The following PDE6A variants were observed in gnomAD, a reference collection of about 807,000 sequenced individuals.
PDE6A encodes phosphodiesterase 6A, also known as rod cGMP-specific 3',5'-cyclic phosphodiesterase subunit alpha.
A neutral mutation model predicts 106.3 loss-of-function variants in PDE6A; 84 were observed. The observed-to-expected ratio is 0.79, with a 90% CI of 0.66 to 0.95. The LOEUF (loss-of-function observed/expected upper bound fraction) is 0.95. Among genes scored for constraint, PDE6A ranks in the 40% least tolerant of loss-of-function variants. The pLI is 0.00. For missense variants in PDE6A, 1,052 were observed against 1,084.9 expected (o/e 0.97, Z 0.43); for synonymous variants, 394 against 386.6 (o/e 1.02, Z -0.23).
chr5:149,872,019 G>A (rs1760576768), intron 17 of PDE6A, among the ~76,000 whole-genome samples: 1 of 152,220 alleles, frequency 6.6e-6, no homozygotes, highest in Non-Finnish European at 1.5e-5. Flanking sequence ...AGAAGCAAGA[G>A]TATGCCACAA....
intron 17 of PDE6A, among the ~76,000 whole-genome samples, chr5:149,874,568 T>C (rs1188829443): frequency 6.6e-5 from 10 of 152,146 alleles, no homozygotes; most frequent in African/African-American, 2.4e-4. Flanking sequence ...TTTTTGTTTT[T>C]AATCACAGAA....
At chr5:149,914,720 C>T (rs1409033676) in intron 6 of PDE6A, among the ~76,000 whole-genome samples, 1 of 149,386 alleles carries the variant, frequency 6.7e-6, no homozygotes, top group East Asian at 1.9e-4. Context: ...TGTTCTATCT[C>T]CCTCTCCCAC....
At chr5:149,878,757 T>C (rs564926454) in intron 17 of PDE6A, among the ~76,000 whole-genome samples, 1 of 152,360 alleles carries the variant, frequency 6.6e-6, no homozygotes, top group East Asian at 1.9e-4. Flanking sequence ...CGTCTTTTCA[T>C]AGGTTTATAT....
At chr5:149,885,145 C>A (rs1752243175) in intron 14 of PDE6A, among the ~76,000 whole-genome samples, 1 of 152,232 alleles carries the variant, frequency 6.6e-6, no homozygotes. Flanking sequence ...TTGAAGGAAA[C>A]AACTGAATTT....
rs1483601961 is a variant in PDE6A at position 149,900,366 on chromosome 5, AATATATATGTATATAT to A, written c.1114-858_1114-843del. Among the ~76,000 whole-genome samples the A allele has an allele frequency of 7.0e-4, 9 of 12,794 alleles. No individual in the cohort carries two copies. In the South Asian group the frequency reaches 0.02, roughly 28 times the overall value. The allele number at this position is 12,794 out of a possible 152,430, so 8.4% of individuals were successfully genotyped here. A position where few individuals can be genotyped will look rare whatever the true frequency, so the allele number is the denominator to read the frequency against. On this transcript the variant is annotated intron_variant, in intron 8 of 21. Transcript: ENST00000255266. ...AACAGACAGAGACTCCATCTCGAAA[AATATATATGTATATAT>A]ATATATATATATATATCCGTTGGTT...
chr5:149,887,511 A>C (rs1157796321), intron 13 of PDE6A, among the ~76,000 whole-genome samples: 1 of 152,206 alleles, frequency 6.6e-6, no homozygotes, highest in Middle Eastern at 3.4e-3. Context: ...AAAACTAAAA[A>C]TTTATGTGGA....
chr5:149,920,414 C>T (rs964255076), intron 5 of PDE6A, among the ~76,000 whole-genome samples: 3 of 152,028 alleles, frequency 2.0e-5, no homozygotes, highest in African/African-American at 7.2e-5. Context: ...AACCCTGTCT[C>T]TACTAAAAAT....
chr5:149,881,851 C>A (rs773398962), intron 17 of PDE6A, among the ~76,000 whole-genome samples: 41 of 152,026 alleles, frequency 2.7e-4, no homozygotes, highest in Non-Finnish European at 4.6e-4. Flanking sequence ...CTCAGGAGTT[C>A]AAAACCAGCC....
intron 4 of PDE6A, among the ~76,000 whole-genome samples, chr5:149,930,004 C>T (rs1404120545): frequency 6.6e-6 from 1 of 152,180 alleles, no homozygotes; most frequent in Admixed American, 6.5e-5. Context: ...ACAGGCCATC[C>T]TCCCACCTCA....
chr5:149,929,537 G>A (rs930463159), intron 4 of PDE6A, among the ~76,000 whole-genome samples: 1 of 152,050 alleles, frequency 6.6e-6, no homozygotes, highest in African/African-American at 2.4e-5. Context: ...AACCCGGGAG[G>A]TGGAACTTGC....
intron 3 of PDE6A, among the ~76,000 whole-genome samples, chr5:149,933,070 G>A (rs1165754928): frequency 1.3e-5 from 2 of 152,174 alleles, no homozygotes; most frequent in African/African-American, 4.8e-5. Flanking sequence ...ATAGCTCACT[G>A]TAGTCTCCAA....
intron 17 of PDE6A, among the ~76,000 whole-genome samples, chr5:149,878,562 T>C (rs1760821411): frequency 2.0e-5 from 3 of 152,218 alleles, no homozygotes; most frequent in African/African-American, 7.2e-5. Context: ...TCAAAGGGCA[T>C]GAGCACTTAC....
rs183734698 is a variant in PDE6A at position 149,886,593 on chromosome 5, T to A, written c.1729-219A>T. On this transcript the variant is annotated intron_variant, in intron 13 of 21. Coordinates refer to ENST00000255266, the MANE Select transcript of PDE6A (RefSeq NM_000440.3). Reference sequence around the variant, plus strand: ...TAGAATGGGGAAAGTCCCAGGTAAATGGGAACAACTGGTCACCCTATTTCT... The same window carrying A: ...TAGAATGGGGAAAGTCCCAGGTAAAAGGGAACAACTGGTCACCCTATTTCT... Among the ~76,000 whole-genome samples the A allele has an allele frequency of 1.1e-4, 17 of 152,194 alleles. No individual in the cohort carries two copies. In the East Asian group the frequency reaches 3.3e-3, roughly 29 times the overall value.
At chr5:149,877,544 G>C (rs776346840) in intron 17 of PDE6A, among the ~76,000 whole-genome samples, 7 of 152,062 alleles carry the variant, frequency 4.6e-5, no homozygotes, top group Non-Finnish European at 7.4e-5. Context: ...CGAGTAGCTG[G>C]GATTACAGGC....
intron 6 of PDE6A, among the ~76,000 whole-genome samples, chr5:149,908,022 A>T (rs1753255913): frequency 6.6e-6 from 1 of 152,228 alleles, no homozygotes; most frequent in Non-Finnish European, 1.5e-5. Flanking sequence ...AAATTATGCT[A>T]AATTGCATTT....
chr5:149,867,851 C>G, intron 18 of PDE6A, 52 bp from the exon 19 acceptor site: 1 of 1,533,654 alleles, frequency 6.5e-7, no homozygotes, highest in Non-Finnish European at 9.0e-7. Context: ...AGCCCAATCC[C>G]CTACCCCTGC....
chr5:149,882,263 C>G lies in PDE6A; in HGVS notation c.2135+1166G>C, dbSNP rs185397197. On this transcript the variant is annotated intron_variant, in intron 17 of 21. Coordinates refer to ENST00000255266, the MANE Select transcript of PDE6A (RefSeq NM_000440.3). Reference sequence around the variant, plus strand: ...AGTGGCAACTTGCTGCTGCCCCCCCCGTTTCCGGAGCCTGTCCCAGTGGTC... The same window carrying G: ...AGTGGCAACTTGCTGCTGCCCCCCCGGTTTCCGGAGCCTGTCCCAGTGGTC... Among the ~76,000 whole-genome samples, 53 of 152,024 alleles carry G rather than the reference C, an allele frequency of 3.5e-4. 3 individuals carry two copies. Among genetic ancestry groups the G allele is most frequent in the Admixed American group, 3.3e-3 (51 of 15,282 alleles).
rs1292414362 is a variant in PDE6A at position 149,884,199 on chromosome 5, A to AT, written c.2027+279_2027+280insA. 9.6e-3 allele frequency among the ~76,000 whole-genome samples: 1,366 copies of AT among 142,326 alleles called. 26 individuals carry two copies. The highest frequency in any genetic ancestry group is 0.019 in the South Asian group (89 of 4,578). 93.4% of individuals were successfully genotyped at this position (142,326 alleles called of 152,430 possible). A position where few individuals can be genotyped will look rare whatever the true frequency, so the allele number is the denominator to read the frequency against. On this transcript the variant is annotated intron_variant, in intron 16 of 21. Transcript: ENST00000255266. ...CCTGTCTCAAAAAAGAAAAAAAAAA[A>AT]ATATATATATATATATACACACACA...
intron 13 of PDE6A, among the ~76,000 whole-genome samples, chr5:149,891,966 A>G (rs1258000134): frequency 6.6e-6 from 1 of 152,184 alleles, no homozygotes; most frequent in Admixed American, 6.5e-5. Flanking sequence ...GTTTTATAGA[A>G]CCGTTCCCAT....
Sources: gnomAD v4.1 joint callset for allele counts (sites outside exome capture counted in the v4.1 genomes callset) on GRCh38, gnomAD v4.1.1 for gene constraint, MANE v1.5 for transcripts, NCBI Gene and HGNC (gene_info 2026-07-23, HGNC 2026-07-21) for gene names.